The following ZNF407 variants were observed in gnomAD, a reference collection of about 807,000 sequenced individuals.
ZNF407 encodes the protein zinc finger protein 407.
ZNF407 carries 17 observed loss-of-function variants against 131.2 expected under a neutral mutation model. The observed-to-expected ratio is 0.13, with a 90% confidence interval of 0.09 to 0.19. The LOEUF is 0.19. Ranked by LOEUF, ZNF407 falls within the 10% of genes least tolerant of loss-of-function variation. The pLI, the probability that ZNF407 is intolerant of heterozygous loss-of-function variation, is 1.00. For missense variants in ZNF407, 2,681 were observed against 2,830.6 expected (o/e 0.95, Z 1.20); for synonymous variants, 1,156 against 1,062.0 (o/e 1.09, Z -1.72).
At chr18:74,610,973 A>G (rs1335053739) in intron 1 of ZNF407, among the ~76,000 whole-genome samples, 3 of 152,218 alleles carry the variant, frequency 2.0e-5, no homozygotes, top group Non-Finnish European at 4.4e-5. Flanking sequence ...TTTTGTCTCA[A>G]TGAGAGAGCA....
intron 3 of ZNF407, among the ~76,000 whole-genome samples, chr18:74,731,964 G>A (rs1968304897): frequency 1.3e-5 from 2 of 152,032 alleles, no homozygotes; most frequent in Admixed American, 1.3e-4. Flanking sequence ...GAAATCATCA[G>A]GATCACTTAA....
At chr18:74,985,286 T>C (rs12971033) in intron 8 of ZNF407, among the ~76,000 whole-genome samples, 25,577 of 152,166 alleles carry the variant, frequency 0.17, 2,359 homozygotes, top group Admixed American at 0.28. Flanking sequence ...GGAAGAAAAA[T>C]AAAACATGAA....
At chr18:74,991,578 A>G (rs1424946633) in intron 8 of ZNF407, among the ~76,000 whole-genome samples, 2 of 152,190 alleles carry the variant, frequency 1.3e-5, no homozygotes, top group Non-Finnish European at 2.9e-5. Flanking sequence ...ATCAATACCT[A>G]TTCGGTATTG....
At chr18:74,800,679 C>G (rs531321573) in intron 4 of ZNF407, among the ~76,000 whole-genome samples, 3 of 152,190 alleles carry the variant, frequency 2.0e-5, no homozygotes, top group Non-Finnish European at 1.5e-5. Context: ...AGTCATTTCT[C>G]ATTGGAAGCA....
chr18:74,628,782 G>T (rs1983916784), intron 1 of ZNF407, among the ~76,000 whole-genome samples: 1 of 151,930 alleles, frequency 6.6e-6, no homozygotes, highest in Non-Finnish European at 1.5e-5. Context: ...GTCTTGCTGT[G>T]TTGCCCAGGC....
chr18:74,834,255 A>G (rs1007805002), intron 4 of ZNF407, among the ~76,000 whole-genome samples: 1 of 152,198 alleles, frequency 6.6e-6, no homozygotes, highest in Non-Finnish European at 1.5e-5. Flanking sequence ...TTTAGAAACT[A>G]TTCTCTATTT....
chr18:74,910,920 G>A (rs576907106), intron 7 of ZNF407, among the ~76,000 whole-genome samples: 2 of 151,940 alleles, frequency 1.3e-5, no homozygotes, highest in South Asian at 2.1e-4. Context: ...CCCACCTCCC[G>A]TCCCCCTGGG....
chr18:74,646,668 T>C (rs1984988336), intron 3 of ZNF407, among the ~76,000 whole-genome samples: 1 of 152,254 alleles, frequency 6.6e-6, no homozygotes, highest in Non-Finnish European at 1.5e-5. Context: ...TTTTTAAAAC[T>C]GTACAAATGA....
intron 4 of ZNF407, among the ~76,000 whole-genome samples, chr18:74,836,461 C>T (rs1019703492): frequency 6.6e-6 from 1 of 152,214 alleles, no homozygotes; most frequent in Admixed American, 6.5e-5. Flanking sequence ...CTGCCTGCTG[C>T]CCTTCCCGAG....
Position 74,770,650 on chromosome 18 carries a change from G to T in ZNF407, c.4803-10778G>T, listed in dbSNP as rs75509290. 4.3e-3 allele frequency among the ~76,000 whole-genome samples: 650 copies of T among 152,236 alleles called. 14 individuals are homozygous for T. The East Asian group carries it at 0.065, about 15-fold the overall frequency. On this transcript the variant is annotated intron_variant, in intron 3 of 8. Transcript: ENST00000299687. ...TATGGACCCTCATTAAGTGGCAATG[G>T]AATTGACCCTTGAAATAAAGCAGTA... is the stretch of plus-strand genomic sequence containing the variant.
At chr18:74,620,692 G>T (rs1983475777) in intron 1 of ZNF407, among the ~76,000 whole-genome samples, 1 of 152,164 alleles carries the variant, frequency 6.6e-6, no homozygotes, top group African/African-American at 2.4e-5. Flanking sequence ...GTAGGGTCAG[G>T]CTACATGTGG....
intron 1 of ZNF407, among the ~76,000 whole-genome samples, chr18:74,622,930 A>G (rs9949875): frequency 0.83 from 126,547 of 151,654 alleles, 53,017 homozygotes; most frequent in Middle Eastern, 0.9. Context: ...GTATCTGTGA[A>G]TGTGTGTGTA....
intron 1 of ZNF407, among the ~76,000 whole-genome samples, chr18:74,605,090 C>T (rs1002668313): frequency 6.6e-6 from 1 of 152,202 alleles, no homozygotes; most frequent in Non-Finnish European, 1.5e-5. Flanking sequence ...CCTTTTCACT[C>T]ACCGTTTGCC....
chr18:74,612,078 A>G (rs62097589), intron 1 of ZNF407, among the ~76,000 whole-genome samples: 18,133 of 152,220 alleles, frequency 0.12, 1,204 homozygotes, highest in Non-Finnish European at 0.14. Flanking sequence ...TGTTAGCTGC[A>G]TTCATCACCA....
intron 3 of ZNF407, among the ~76,000 whole-genome samples, chr18:74,651,776 G>A (rs1985237088): frequency 6.6e-6 from 1 of 152,160 alleles, no homozygotes; most frequent in African/African-American, 2.4e-5. Context: ...AGATGGAAAT[G>A]TGCTGTCCCT....
intron 5 of ZNF407, 47 bp from the exon 6 acceptor site, chr18:74,880,989 A>G (rs746835615): frequency 1.3e-6 from 2 of 1,496,386 alleles, no homozygotes; most frequent in African/African-American, 2.8e-5. Flanking sequence ...ATATGTTTTA[A>G]TGATCTGTGA....
intron 3 of ZNF407, among the ~76,000 whole-genome samples, chr18:74,669,361 T>C (rs1338991436): frequency 6.6e-6 from 1 of 152,190 alleles, no homozygotes; most frequent in African/African-American, 2.4e-5. Flanking sequence ...TCCTTCCTGC[T>C]TTCCTCTGCC....
chr18:74,780,629 A>C (rs1046028449), intron 3 of ZNF407, among the ~76,000 whole-genome samples: 3 of 152,206 alleles, frequency 2.0e-5, no homozygotes, highest in African/African-American at 7.2e-5. Context: ...TTTTACACTG[A>C]AAGTTACAGC....
intron 4 of ZNF407, among the ~76,000 whole-genome samples, chr18:74,800,151 C>G (rs1568221338): frequency 6.6e-6 from 1 of 151,774 alleles, no homozygotes; most frequent in Non-Finnish European, 1.5e-5. Flanking sequence ...TAAAAATATT[C>G]CTAAGGATAT....
Sources: gnomAD v4.1 joint callset for allele counts (sites outside exome capture counted in the v4.1 genomes callset) on GRCh38, gnomAD v4.1.1 for gene constraint, MANE v1.5 for transcripts, NCBI Gene and HGNC (gene_info 2026-07-23, HGNC 2026-07-21) for gene names.